The following COL24A1 variants were observed in gnomAD, a reference collection of about 807,000 sequenced individuals.
COL24A1 encodes the protein collagen type XXIV alpha 1 chain.
Under a neutral mutation model 253.9 loss-of-function variants are expected in COL24A1, and 224 were observed. That is an observed-to-expected ratio of 0.88 (90% CI 0.79 to 0.99). The LOEUF is 0.99. COL24A1 is among the 50% of genes least tolerant of loss of function. The probability of loss-of-function intolerance (pLI) is 0.00; values close to 1 mark genes in which losing one functional copy is unlikely to be tolerated. For missense variants in COL24A1, 2,131 were observed against 2,068.5 expected, an observed-to-expected ratio of 1.03 and a Z score of -0.59; for synonymous variants, 685 against 673.7, an observed-to-expected ratio of 1.02 and a Z score of -0.26.
intron 2 of COL24A1, among the ~76,000 whole-genome samples, chr1:86,130,218 C>T (rs1466398282): frequency 6.6e-6 from 1 of 151,786 alleles, no homozygotes; most frequent in Non-Finnish European, 1.5e-5. Flanking sequence ...GTCTGATATA[C>T]CTTTGCCTTT....
chr1:85,992,071 A>G (rs932421607), intron 19 of COL24A1, among the ~76,000 whole-genome samples: 2 of 145,742 alleles, frequency 1.4e-5, no homozygotes, highest in South Asian at 4.4e-4. Flanking sequence ...ATCCCTCTCC[A>G]CTCCCCCCAC....
chr1:85,970,305 C>A (rs2100760476), intron 21 of COL24A1, 34 bp from the exon 22 acceptor site: 1 of 1,531,754 alleles, frequency 6.5e-7, no homozygotes, highest in South Asian at 1.3e-5. Flanking sequence ...CATATTATGG[C>A]CTAAAATGAG....
intron 55 of COL24A1, among the ~76,000 whole-genome samples, chr1:85,747,215 G>A (rs111389152): frequency 0.011 from 1,570 of 149,522 alleles, 24 homozygotes; most frequent in African/African-American, 0.037. Flanking sequence ...AGGTTCAAGC[G>A]ATTCTCCTGC....
chr1:86,081,871 C>T (rs150913633), intron 7 of COL24A1, among the ~76,000 whole-genome samples: 2,182 of 152,220 alleles, frequency 0.014, 24 homozygotes, highest in Middle Eastern at 0.068. Flanking sequence ...TAAGGACTGC[C>T]TGCATATTTA....
At chr1:85,737,989 T>C (rs1312987406) in intron 57 of COL24A1, among the ~76,000 whole-genome samples, 2 of 152,224 alleles carry the variant, frequency 1.3e-5, no homozygotes, top group African/African-American at 4.8e-5. Context: ...AAATTGATAC[T>C]AAAAATGCTG....
intron 5 of COL24A1, among the ~76,000 whole-genome samples, chr1:86,110,845 C>T (rs79178515): frequency 0.14 from 21,611 of 151,106 alleles, 1,680 homozygotes; most frequent in South Asian, 0.23. Context: ...CATGGGCTGC[C>T]GCGCGGCCCA....
chr1:86,129,258 T>G (rs1648788628), intron 2 of COL24A1, among the ~76,000 whole-genome samples: 1 of 151,770 alleles, frequency 6.6e-6, no homozygotes, highest in African/African-American at 2.4e-5. Flanking sequence ...CTTACAATTA[T>G]TTTTGTTTTC....
chr1:85,951,404 A>C (rs1689914688), intron 24 of COL24A1, among the ~76,000 whole-genome samples: 1 of 152,176 alleles, frequency 6.6e-6, no homozygotes, highest in Non-Finnish European at 1.5e-5. Context: ...ATGGATCTTG[A>C]AAGTTGATGC....
chr1:86,063,213 T>C lies in COL24A1; in HGVS notation c.1752+502A>G, dbSNP rs188016198. Among the ~76,000 whole-genome samples, 89 of 147,870 alleles carry C rather than the reference T, an allele frequency of 6.0e-4. 1 individual carries two copies. The East Asian group carries it at 9.3e-3, about 15-fold the overall frequency. Reference sequence around the variant, plus strand: ...TATTGTGTATGTGTATTATGGACAATGATATATGTACCATTCTAATTTGGA... The same window carrying C: ...TATTGTGTATGTGTATTATGGACAACGATATATGTACCATTCTAATTTGGA... On this transcript the variant is annotated intron_variant, in intron 8 of 59. Transcript: ENST00000370571.
chr1:86,153,815 T>C (rs1278469458), intron 1 of COL24A1, among the ~76,000 whole-genome samples: 1 of 152,350 alleles, frequency 6.6e-6, no homozygotes, highest in East Asian at 1.9e-4. Flanking sequence ...ATTACCATAA[T>C]AGCCTGCCTC....
intron 2 of COL24A1, among the ~76,000 whole-genome samples, chr1:86,134,444 A>T (rs12122598): frequency 6.8e-6 from 1 of 147,118 alleles, no homozygotes; most frequent in South Asian, 2.2e-4. Context: ...TGAAGTTAGG[A>T]TGTCAATTTT....
At chr1:85,814,288 C>T (rs1451884358) in intron 47 of COL24A1, among the ~76,000 whole-genome samples, 1 of 152,112 alleles carries the variant, frequency 6.6e-6, no homozygotes, top group Non-Finnish European at 1.5e-5. Flanking sequence ...CAGGCATGAG[C>T]CTTTGCCCAC....
intron 32 of COL24A1, among the ~76,000 whole-genome samples, chr1:85,880,892 TA>T (rs1681762377): frequency 2.0e-5 from 3 of 152,248 alleles, no homozygotes; most frequent in South Asian, 2.1e-4. Flanking sequence ...TTATGATGCA[TA>T]ATTCTGTTTA....
At chr1:86,011,044 G>A (rs1354604482) in intron 19 of COL24A1, among the ~76,000 whole-genome samples, 1 of 151,948 alleles carries the variant, frequency 6.6e-6, no homozygotes, top group Non-Finnish European at 1.5e-5. Context: ...AGGTAGGGAG[G>A]GTAGTACACT....
intron 39 of COL24A1, among the ~76,000 whole-genome samples, chr1:85,845,393 T>C (rs922701731): frequency 2.6e-5 from 4 of 151,878 alleles, no homozygotes; most frequent in Non-Finnish European, 4.4e-5. Context: ...AAAACTCTCA[T>C]TTAAGAATGA....
chr1:85,974,530 C>T (rs1238541099), intron 20 of COL24A1, among the ~76,000 whole-genome samples: 1 of 151,972 alleles, frequency 6.6e-6, no homozygotes, highest in East Asian at 1.9e-4. Context: ...TTACAAAACA[C>T]GCAAAGTACC....
chr1:85,781,980 C>T (rs866119354), intron 51 of COL24A1, among the ~76,000 whole-genome samples: 10 of 152,154 alleles, frequency 6.6e-5, no homozygotes, highest in South Asian at 2.1e-4. Flanking sequence ...CGTGGTTCTT[C>T]AGAAATCATG....
At chr1:85,841,162 A>G (rs1676570014) in intron 42 of COL24A1, 60 bp downstream of exon 42, 2 of 1,160,034 alleles carry the variant, frequency 1.7e-6, no homozygotes, top group Non-Finnish European at 2.5e-6. Flanking sequence ...GGTGTTGTGA[A>G]TCTATTATAT....
chr1:85,744,575 A>G, intron 57 of COL24A1, 91 bp downstream of exon 57: 1 of 1,104,564 alleles, frequency 9.1e-7, no homozygotes, highest in Non-Finnish European at 1.3e-6. Flanking sequence ...CAAACTAACT[A>G]TGATTTGGAG....
Sources: gnomAD v4.1 joint callset for allele counts (sites outside exome capture counted in the v4.1 genomes callset) on GRCh38, gnomAD v4.1.1 for gene constraint, MANE v1.5 for transcripts, NCBI Gene and HGNC (gene_info 2026-07-23, HGNC 2026-07-21) for gene names.